Variants in FRMD4A observed in about 807,000 individuals in gnomAD.
The protein encoded by FRMD4A is FERM domain-containing protein 4A.
FRMD4A carries 29 observed loss-of-function variants against 129.1 expected under a neutral mutation model. That is an observed-to-expected ratio of 0.22 (90% CI 0.17 to 0.31). FRMD4A has a LOEUF of 0.31. Among genes scored for constraint, FRMD4A ranks in the 10% least tolerant of loss-of-function variants. The probability of loss-of-function intolerance (pLI) is 1.00; values close to 1 mark genes in which losing one functional copy is unlikely to be tolerated. For missense variants in FRMD4A, 1,272 were observed against 1,375.8 expected (o/e 0.92, Z 1.19); for synonymous variants, 634 against 571.6 (o/e 1.11, Z -1.56).
chr10:13,657,553 G>A, intron 21 of FRMD4A, 31 bp from the exon 22 acceptor site: 1 of 1,533,012 alleles, frequency 6.5e-7, no homozygotes, highest in Non-Finnish European at 8.8e-7. Flanking sequence ...TTGGTCTGGG[G>A]GTGGGGAGTG....
intron 2 of FRMD4A, among the ~76,000 whole-genome samples, chr10:14,094,244 G>T (rs1262344706): frequency 6.6e-6 from 1 of 152,214 alleles, no homozygotes; most frequent in African/African-American, 2.4e-5. Context: ...ATGGCGCGTT[G>T]CCCATCCTGG....
chr10:14,223,777 GAGAGAA>G lies in FRMD4A; in HGVS notation c.45+106275_45+106280del, dbSNP rs150677540. 4.6e-3 allele frequency among the ~76,000 whole-genome samples: 618 copies of G among 133,268 alleles called. 6 individuals are homozygous for G. The highest frequency in any genetic ancestry group is 9.3e-3 in the African/African-American group (332 of 35,882). The allele number at this position is 133,268 out of a possible 152,430, so 87.4% of individuals were successfully genotyped here. A position where few individuals can be genotyped will look rare whatever the true frequency, so the allele number is the denominator to read the frequency against. ...AAAAAAAAAAAAAGAGAGAGAGAGAGAGAGAAAGAGAGAATAAAGCCAAATGCAACA... is the reference window on the plus strand; with the variant it reads ...AAAAAAAAAAAAAGAGAGAGAGAGAGAGAGAGAATAAAGCCAAATGCAACA... On this transcript the variant is annotated intron_variant, in intron 2 of 24. Coordinates refer to ENST00000357447, the MANE Select transcript of FRMD4A (RefSeq NM_018027.5).
chr10:14,059,517 A>C (rs1834705524), intron 2 of FRMD4A, among the ~76,000 whole-genome samples: 1 of 152,264 alleles, frequency 6.6e-6, no homozygotes, highest in Non-Finnish European at 1.5e-5. Flanking sequence ...CTATGTGAGC[A>C]GACAGCGAGA....
At chr10:13,962,143 A>G (rs893668029) in intron 2 of FRMD4A, among the ~76,000 whole-genome samples, 1 of 152,222 alleles carries the variant, frequency 6.6e-6, no homozygotes, top group Admixed American at 6.5e-5. Context: ...GCTACTAGCC[A>G]TCTTCTTCCA....
At chr10:13,857,197 A>T (rs1464351556) in intron 3 of FRMD4A, among the ~76,000 whole-genome samples, 1 of 151,994 alleles carries the variant, frequency 6.6e-6, no homozygotes, top group Non-Finnish European at 1.5e-5. Flanking sequence ...TAGTGGTAAA[A>T]TTTTTTTTTT....
intron 2 of FRMD4A, among the ~76,000 whole-genome samples, chr10:13,908,661 G>T (rs1295855804): frequency 1.3e-5 from 2 of 152,130 alleles, no homozygotes; most frequent in Non-Finnish European, 2.9e-5. Context: ...TGCTCCTAGC[G>T]GTTCCTCTGC....
At chr10:13,985,660 C>T (rs547569219) in intron 2 of FRMD4A, among the ~76,000 whole-genome samples, 20 of 152,290 alleles carry the variant, frequency 1.3e-4, no homozygotes, top group African/African-American at 3.8e-4. Flanking sequence ...CCAGTCTCCA[C>T]GGGAAAGCAG....
chr10:13,804,714 C>CTTTTTT (rs35111872), intron 4 of FRMD4A, among the ~76,000 whole-genome samples: 1 of 127,738 alleles, frequency 7.8e-6, no homozygotes, highest in African/African-American at 3.0e-5. Context: ...CCAGCTAATT[C>CTTTTTT]TTTTTTTTTT....
chr10:13,878,361 G>C (rs1443109292), intron 2 of FRMD4A, among the ~76,000 whole-genome samples: 1 of 152,044 alleles, frequency 6.6e-6, no homozygotes. Context: ...GCACTTTCCT[G>C]GTTTAACCAG....
At chr10:13,993,979 G>A (rs1297075013) in intron 2 of FRMD4A, among the ~76,000 whole-genome samples, 1 of 151,362 alleles carries the variant, frequency 6.6e-6, no homozygotes, top group African/African-American at 2.4e-5. Flanking sequence ...CCTGGGGCAG[G>A]GGAGAATATG....
chr10:14,304,106 A>C (rs1218476), intron 2 of FRMD4A, among the ~76,000 whole-genome samples: 25,348 of 152,146 alleles, frequency 0.17, 2,809 homozygotes, highest in African/African-American at 0.31. Flanking sequence ...TGGGTATACA[A>C]ATATCTCAAC....
chr10:14,082,162 G>C (rs868060317), intron 2 of FRMD4A, among the ~76,000 whole-genome samples: 4 of 152,140 alleles, frequency 2.6e-5, no homozygotes, highest in Admixed American at 2.6e-4. Flanking sequence ...CAGGAGAATT[G>C]CTTGAACCTG....
intron 2 of FRMD4A, among the ~76,000 whole-genome samples, chr10:13,915,669 CAAAAAAAAA>C (rs68011803): frequency 8.2e-6 from 1 of 122,050 alleles, no homozygotes; most frequent in South Asian, 2.7e-4. Flanking sequence ...GACTCTATCT[CAAAAAAAAA>C]AAAAAAAAGT....
chr10:14,039,455 A>ATCTATCTATCTATCT (rs1565204710), intron 2 of FRMD4A, among the ~76,000 whole-genome samples: 1 of 64,590 alleles, frequency 1.5e-5, no homozygotes, highest in African/African-American at 5.3e-5. Flanking sequence ...AAAATCAATC[A>ATCTATCTATCTATCT]ATCTATCTAT....
intron 2 of FRMD4A, among the ~76,000 whole-genome samples, chr10:14,034,016 C>T (rs965077102): frequency 7.2e-5 from 11 of 152,104 alleles, no homozygotes; most frequent in African/African-American, 1.9e-4. Context: ...AATCAAATAT[C>T]GCATGTTCTC....
intron 2 of FRMD4A, among the ~76,000 whole-genome samples, chr10:14,144,039 T>C (rs10906616): frequency 0.51 from 77,879 of 151,888 alleles, 20,516 homozygotes; most frequent in African/African-American, 0.63. Flanking sequence ...GTTTTAAGAG[T>C]TAGAATAAAA....
intron 2 of FRMD4A, among the ~76,000 whole-genome samples, chr10:13,884,816 T>C (rs557980893): frequency 8.5e-5 from 13 of 152,368 alleles, no homozygotes; most frequent in African/African-American, 2.9e-4. Flanking sequence ...CATGACTTTA[T>C]CTGCAGAACC....
intron 2 of FRMD4A, among the ~76,000 whole-genome samples, chr10:14,119,280 G>T (rs1838367776): frequency 6.6e-6 from 1 of 152,150 alleles, no homozygotes; most frequent in South Asian, 2.1e-4. Flanking sequence ...CCAGAATGAA[G>T]AGGTGCAAAG....
chr10:14,116,707 C>T (rs186389566), intron 2 of FRMD4A, among the ~76,000 whole-genome samples: 2 of 152,160 alleles, frequency 1.3e-5, no homozygotes, highest in Admixed American at 6.5e-5. Context: ...AAAATACTTG[C>T]CCAGTCCCCT....
Sources: allele counts gnomAD v4.1 joint callset (sites outside exome capture counted in the v4.1 genomes callset), GRCh38; gene constraint gnomAD v4.1.1; transcripts MANE v1.5; gene names NCBI Gene and HGNC (gene_info 2026-07-23, HGNC 2026-07-21).